PTPRD: variants seen among roughly 807,000 people sequenced by gnomAD.
The protein encoded by PTPRD is receptor-type tyrosine-protein phosphatase delta.
Under a neutral mutation model 214.5 loss-of-function variants are expected in PTPRD, and 34 were observed. The ratio of observed to expected loss-of-function variants is 0.16; its 90% confidence interval spans 0.12 to 0.21. The LOEUF is 0.21. Among genes scored for constraint, PTPRD ranks in the 10% least tolerant of loss-of-function variants. The pLI is 1.00. For missense variants in PTPRD, 2,545 were observed against 2,398.7 expected (o/e 1.06, Z -1.27); for synonymous variants, 1,128 against 845.7 (o/e 1.33, Z -5.79).
intron 20 of PTPRD, among the ~76,000 whole-genome samples, chr9:8,519,377 G>A (rs2097847916): frequency 6.6e-6 from 1 of 152,098 alleles, no homozygotes; most frequent in Admixed American, 6.5e-5. Context: ...CTGCTTTGCT[G>A]ACCTCATATT....
chr9:8,718,564 T>C (rs2098460610), intron 12 of PTPRD, among the ~76,000 whole-genome samples: 1 of 152,172 alleles, frequency 6.6e-6, no homozygotes, highest in Admixed American at 6.6e-5. Context: ...CCCTGAGAGT[T>C]TACACCATAG....
chr9:8,496,752 A>T (rs1414145390), intron 26 of PTPRD, among the ~76,000 whole-genome samples: 1 of 152,244 alleles, frequency 6.6e-6, no homozygotes, highest in Non-Finnish European at 1.5e-5. Context: ...TGACATCTCC[A>T]GTCTGCAATG....
chr9:10,584,678 T>A (rs1567066649), intron 2 of PTPRD, among the ~76,000 whole-genome samples: 1 of 152,204 alleles, frequency 6.6e-6, no homozygotes. Flanking sequence ...CTCAATTGAA[T>A]AATGACATAT....
intron 5 of PTPRD, among the ~76,000 whole-genome samples, chr9:9,810,660 C>T (rs893011501): frequency 1.3e-5 from 2 of 151,364 alleles, no homozygotes; most frequent in African/African-American, 4.9e-5. Flanking sequence ...TGACAATGCA[C>T]ATAGTAACCT....
At chr9:9,291,204 C>T (rs1041760541) in intron 9 of PTPRD, among the ~76,000 whole-genome samples, 5 of 151,406 alleles carry the variant, frequency 3.3e-5, no homozygotes, top group African/African-American at 4.8e-5. Flanking sequence ...ACAGGATTAT[C>T]GTAACACTGA....
At position 9,203,752 on chromosome 9, in the gene PTPRD, C is replaced by T. The variant is rs575575626; in HGVS notation, c.-202-20389G>A. Among the ~76,000 whole-genome samples the T allele has an allele frequency of 5.8e-4, 88 of 152,162 alleles. 2 individuals are homozygous for T. The South Asian group carries it at 0.013, about 23-fold the overall frequency. ...TTTTTGCAGTTTCTGATGTAGCAAG[C>T]GGGTATTTTATGGACTCAGACAAAC... On this transcript the variant is annotated intron_variant, in intron 9 of 45. Coordinates refer to ENST00000381196, the MANE Select transcript of PTPRD (RefSeq NM_002839.4).
intron 11 of PTPRD, among the ~76,000 whole-genome samples, chr9:8,771,751 T>A (rs958473751): frequency 6.6e-6 from 1 of 152,044 alleles, no homozygotes; most frequent in Non-Finnish European, 1.5e-5. Flanking sequence ...ATATGTTCAA[T>A]TATAAGCATT....
intron 2 of PTPRD, among the ~76,000 whole-genome samples, chr9:10,424,313 TTCTCTCTCTC>T (rs35994999): frequency 6.9e-3 from 1,011 of 145,586 alleles, no homozygotes; most frequent in Non-Finnish European, 9.7e-3. Flanking sequence ...TGGTTTCCTT[TTCTCTCTCTC>T]TCTCTCTCTC....
intron 2 of PTPRD, among the ~76,000 whole-genome samples, chr9:10,586,640 T>C (rs1168945785): frequency 6.6e-6 from 1 of 152,102 alleles, no homozygotes; most frequent in Non-Finnish European, 1.5e-5. Flanking sequence ...GCATAAGACT[T>C]TCTCAGAAAG....
intron 11 of PTPRD, among the ~76,000 whole-genome samples, chr9:8,781,378 C>G (rs1443350273): frequency 6.6e-6 from 1 of 152,050 alleles, no homozygotes. Context: ...TTACCAGTTC[C>G]AAGGAAAATA....
chr9:9,287,277 T>A (rs973477229), intron 9 of PTPRD, among the ~76,000 whole-genome samples: 1 of 151,788 alleles, frequency 6.6e-6, no homozygotes, highest in African/African-American at 2.4e-5. Flanking sequence ...TAAATGTTTA[T>A]GTGCTAGCCC....
intron 11 of PTPRD, among the ~76,000 whole-genome samples, chr9:8,934,469 A>G (rs1417482196): frequency 1.5e-4 from 2 of 12,986 alleles, no homozygotes; most frequent in East Asian, 9.5e-4. Context: ...ATATAAATAT[A>G]TATATATAAA....
chr9:8,551,737 C>G (rs1348398258), intron 14 of PTPRD, among the ~76,000 whole-genome samples: 1 of 152,136 alleles, frequency 6.6e-6, no homozygotes, highest in African/African-American at 2.4e-5. Context: ...ATTCAATTTT[C>G]CAAACATAAT....
intron 2 of PTPRD, among the ~76,000 whole-genome samples, chr9:10,445,154 C>G (rs1480124428): frequency 1.3e-5 from 2 of 151,916 alleles, no homozygotes; most frequent in African/African-American, 4.8e-5. Flanking sequence ...CATAAAGGTA[C>G]AAGAAACCAA....
At chr9:10,122,036 G>A (rs897052908) in intron 3 of PTPRD, among the ~76,000 whole-genome samples, 4 of 152,190 alleles carry the variant, frequency 2.6e-5, no homozygotes, top group East Asian at 1.9e-4. Context: ...GGCCTGGTGC[G>A]GTGGCTCACG....
At chr9:9,765,776 A>T (rs1348831304) in intron 6 of PTPRD, among the ~76,000 whole-genome samples, 5 of 151,932 alleles carry the variant, frequency 3.3e-5, no homozygotes, top group Admixed American at 1.3e-4. Context: ...TTCTCCTGCC[A>T]CTGCCTCCTG....
chr9:8,645,190 A>G (rs767351207), intron 12 of PTPRD, among the ~76,000 whole-genome samples: 3 of 152,234 alleles, frequency 2.0e-5, no homozygotes, highest in Non-Finnish European at 4.4e-5. Flanking sequence ...GCTAAGTGAG[A>G]AACTTCACCC....
chr9:9,257,292 A>G (rs2099978143), intron 9 of PTPRD, among the ~76,000 whole-genome samples: 1 of 151,894 alleles, frequency 6.6e-6, no homozygotes, highest in African/African-American at 2.4e-5. Context: ...TTTTATAGAT[A>G]GTATGTATTT....
At chr9:9,159,206 G>A (rs2099884106) in intron 10 of PTPRD, among the ~76,000 whole-genome samples, 2 of 152,072 alleles carry the variant, frequency 1.3e-5, no homozygotes, top group African/African-American at 4.8e-5. Flanking sequence ...CCTAGCCATA[G>A]TAATTAGGTA....
Sources: gnomAD v4.1 joint callset for allele counts (sites outside exome capture counted in the v4.1 genomes callset) on GRCh38, gnomAD v4.1.1 for gene constraint, MANE v1.5 for transcripts, NCBI Gene and HGNC (gene_info 2026-07-23, HGNC 2026-07-21) for gene names.